Variants in SHISA6 observed in about 807,000 individuals in gnomAD.
The protein encoded by SHISA6 is shisa family member 6.
Under a neutral mutation model 47.9 loss-of-function variants are expected in SHISA6, and 22 were observed. That is an observed-to-expected ratio of 0.46 (90% CI 0.33 to 0.66). SHISA6 has a LOEUF of 0.66. Ranked by LOEUF, SHISA6 falls within the 30% of genes least tolerant of loss-of-function variation. SHISA6 has a pLI of 0.02. For missense variants in SHISA6, 680 were observed against 764.6 expected (o/e 0.89, Z 1.30); for synonymous variants, 388 against 337.8 (o/e 1.15, Z -1.63).
At chr17:11,380,511 C>T (rs77553200) in intron 3 of SHISA6, 62 of 152,270 alleles carry the variant, frequency 4.1e-4, no homozygotes, top group African/African-American at 1.4e-3. Context: ...CTGAGACCAG[C>T]TATCTCCAGA....
At chr17:11,249,639 T>C (rs757966498) in intron 1 of SHISA6, among the ~76,000 whole-genome samples, 9 of 152,220 alleles carry the variant, frequency 5.9e-5, no homozygotes, top group Non-Finnish European at 1.3e-4. Context: ...TGCTGATTTT[T>C]CTGCAGAAAA....
intron 3 of SHISA6, among the ~76,000 whole-genome samples, chr17:11,421,090 A>C (rs1011995272): frequency 1.3e-5 from 2 of 152,074 alleles, no homozygotes; most frequent in Non-Finnish European, 1.5e-5. Context: ...CTTCATTTCA[A>C]TTTGTTCAGT....
At chr17:11,367,919 G>C (rs989081112) in intron 2 of SHISA6, among the ~76,000 whole-genome samples, 1 of 152,132 alleles carries the variant, frequency 6.6e-6, no homozygotes, top group African/African-American at 2.4e-5. Context: ...TTCTCTCTTA[G>C]GTGCTTGGGA....
chr17:11,303,453 CTGTA>C (rs1427969378), intron 2 of SHISA6, among the ~76,000 whole-genome samples: 9 of 151,390 alleles, frequency 5.9e-5, no homozygotes, highest in Non-Finnish European at 7.4e-5. Context: ...AGTTGTATGG[CTGTA>C]TGTGTGGTTG....
chr17:11,342,258 C>T (rs77863786), intron 2 of SHISA6, among the ~76,000 whole-genome samples: 12,905 of 152,012 alleles, frequency 0.085, 850 homozygotes, highest in East Asian at 0.23. Flanking sequence ...ACCCAAGAGC[C>T]AAAGCCCTCT....
At chr17:11,251,900 G>A (rs181490024) in intron 1 of SHISA6, among the ~76,000 whole-genome samples, 11 of 152,272 alleles carry the variant, frequency 7.2e-5, no homozygotes, top group South Asian at 2.1e-4. Flanking sequence ...CTCAAGGTCC[G>A]GTTGTCACAG....
intron 2 of SHISA6, among the ~76,000 whole-genome samples, chr17:11,311,576 G>A (rs558109809): frequency 1.3e-5 from 2 of 152,010 alleles, no homozygotes; most frequent in Non-Finnish European, 2.9e-5. Context: ...CCTCTTTTGT[G>A]GGGGAACAAA....
chr17:11,364,811 C>T (rs1482751566), intron 2 of SHISA6, among the ~76,000 whole-genome samples: 1 of 152,202 alleles, frequency 6.6e-6, no homozygotes, highest in South Asian at 2.1e-4. Context: ...TTTGCATTCC[C>T]ACCAGCAGTG....
intron 3 of SHISA6, among the ~76,000 whole-genome samples, chr17:11,526,410 A>G (rs1013958087): frequency 6.6e-6 from 1 of 152,182 alleles, no homozygotes; most frequent in Non-Finnish European, 1.5e-5. Flanking sequence ...GTGCCTGCAG[A>G]CTGTCCCCAC....
At chr17:11,329,868 T>A (rs999995064) in intron 2 of SHISA6, among the ~76,000 whole-genome samples, 1 of 152,048 alleles carries the variant, frequency 6.6e-6, no homozygotes, top group African/African-American at 2.4e-5. Context: ...CGCACCTGGA[T>A]CAAGGTGCTC....
intron 3 of SHISA6, among the ~76,000 whole-genome samples, chr17:11,455,816 G>A (rs1018059329): frequency 3.9e-5 from 6 of 152,126 alleles, no homozygotes; most frequent in African/African-American, 7.2e-5. Context: ...ACTGGCCATC[G>A]AAAACCCTTC....
chr17:11,435,523 G>A (rs970039585), intron 3 of SHISA6, among the ~76,000 whole-genome samples: 1 of 152,088 alleles, frequency 6.6e-6, no homozygotes, highest in African/African-American at 2.4e-5. Context: ...CTGGCACCCT[G>A]TGCAGGAATC....
At chr17:11,333,676 G>A (rs933873471) in intron 2 of SHISA6, among the ~76,000 whole-genome samples, 25 of 151,980 alleles carry the variant, frequency 1.6e-4, no homozygotes, top group African/African-American at 2.4e-4. Context: ...CACCATTCCC[G>A]GCTAATTTTT....
chr17:11,396,838 A>C (rs1272296163), intron 3 of SHISA6, among the ~76,000 whole-genome samples: 1 of 152,184 alleles, frequency 6.6e-6, no homozygotes, highest in Non-Finnish European at 1.5e-5. Context: ...CGGCAAACCA[A>C]CCTGGCACGT....
At chr17:11,301,295 T>G (rs190474125) in intron 2 of SHISA6, among the ~76,000 whole-genome samples, 85 of 152,264 alleles carry the variant, frequency 5.6e-4, no homozygotes, top group African/African-American at 2.0e-3. Context: ...CCCAGGACCA[T>G]TAATTACACA....
At chr17:11,362,008 C>T (rs1912304515) in intron 2 of SHISA6, among the ~76,000 whole-genome samples, 1 of 152,170 alleles carries the variant, frequency 6.6e-6, no homozygotes, top group South Asian at 2.1e-4. Context: ...GCCATTTGAT[C>T]AACCGAGGGG....
chr17:11,246,803 C>T (rs958970507), intron 1 of SHISA6, among the ~76,000 whole-genome samples: 77 of 152,306 alleles, frequency 5.1e-4, no homozygotes, highest in Non-Finnish European at 1.1e-3. Flanking sequence ...ACCATATAAG[C>T]TTATAAGACA....
chr17:11,479,891 T>C (rs193068677), intron 3 of SHISA6, among the ~76,000 whole-genome samples: 3 of 152,244 alleles, frequency 2.0e-5, no homozygotes, highest in Non-Finnish European at 4.4e-5. Context: ...ATTCTTCCTT[T>C]CTTTATGTAG....
At chr17:11,487,874 T>C (rs1268323261) in intron 3 of SHISA6, among the ~76,000 whole-genome samples, 1 of 152,172 alleles carries the variant, frequency 6.6e-6, no homozygotes, top group African/African-American at 2.4e-5. Flanking sequence ...CCAGCTTCCG[T>C]GAGGGCCGTA....
Sources: gnomAD v4.1 joint callset for allele counts (sites outside exome capture counted in the v4.1 genomes callset) on GRCh38, gnomAD v4.1.1 for gene constraint, MANE v1.5 for transcripts, NCBI Gene and HGNC (gene_info 2026-07-23, HGNC 2026-07-21) for gene names.